Variants in ACSS3 observed in about 807,000 individuals in gnomAD.
ACSS3 encodes the protein acyl-CoA synthetase short chain family member 3.
Under a neutral mutation model 84.2 loss-of-function variants are expected in ACSS3, and 64 were observed. The ratio of observed to expected loss-of-function variants is 0.76; its 90% confidence interval spans 0.62 to 0.94. The LOEUF is 0.94. ACSS3 is among the 40% of genes least tolerant of loss of function. The probability of loss-of-function intolerance (pLI) is 0.00; values close to 1 mark genes in which losing one functional copy is unlikely to be tolerated. For missense variants in ACSS3, 815 were observed against 867.6 expected (o/e 0.94, Z 0.76); for synonymous variants, 317 against 310.1 (o/e 1.02, Z -0.23).
At chr12:81,177,264 T>A (rs1385508969) in intron 8 of ACSS3, among the ~76,000 whole-genome samples, 1 of 152,154 alleles carries the variant, frequency 6.6e-6, no homozygotes, top group East Asian at 1.9e-4. Flanking sequence ...AACAAGGATG[T>A]GCACTGTCAC....
rs368142226 is a variant in ACSS3 at position 81,170,894 on chromosome 12, A to G, written c.1099-3894A>G. On this transcript the variant is annotated intron_variant, in intron 7 of 15. Transcript: ENST00000548058. Reference sequence around the variant, plus strand: ...GTGTGTGCGTGTGCATGAAGGCAGGAGAGAATTTTAAATAAAATAAATAAG... The same window carrying G: ...GTGTGTGCGTGTGCATGAAGGCAGGGGAGAATTTTAAATAAAATAAATAAG... Among the ~76,000 whole-genome samples the G allele has an allele frequency of 6.6e-5, 10 of 152,080 alleles. No individual in the cohort carries two copies. The East Asian group carries it at 1.7e-3, about 26-fold the overall frequency.
At chr12:81,089,438 T>C (rs548224400) in intron 1 of ACSS3, among the ~76,000 whole-genome samples, 1 of 152,140 alleles carries the variant, frequency 6.6e-6, no homozygotes, top group African/African-American at 2.4e-5. Flanking sequence ...CCCTTAGTTC[T>C]AATAATATCC....
chr12:81,118,795 T>C (rs1191954942), intron 2 of ACSS3, among the ~76,000 whole-genome samples: 3 of 152,172 alleles, frequency 2.0e-5, no homozygotes, highest in Non-Finnish European at 4.4e-5. Context: ...TTTATTGATT[T>C]AGGCAGTGGG....
In ACSS3 at chr12:81,257,146, A is replaced by G. The variant is rs2034330407; in HGVS notation, c.*2224A>G. The G allele has an allele frequency of 6.6e-6, 1 of 152,110 alleles. No individual in the cohort carries two copies. Among genetic ancestry groups the G allele is most frequent in the Non-Finnish European group, 1.5e-5 (1 of 68,008 alleles). The allele number at this position is 152,110 out of a possible 1,614,324, so 9.4% of individuals were successfully genotyped here. A position where few individuals can be genotyped will look rare whatever the true frequency, so the allele number is the denominator to read the frequency against. On this transcript the variant is annotated 3_prime_UTR_variant, in exon 16 of 16. Coordinates refer to ENST00000548058, the MANE Select transcript of ACSS3 (RefSeq NM_024560.4). ...GTCCTCTTGCACATTTTTTCTGGTAATCAAATCTGAAGCGACATCTCAGCA... is the reference window on the plus strand; with the variant it reads ...GTCCTCTTGCACATTTTTTCTGGTAGTCAAATCTGAAGCGACATCTCAGCA...
chr12:81,216,085 G>T (rs962224752), intron 9 of ACSS3, among the ~76,000 whole-genome samples: 4 of 151,760 alleles, frequency 2.6e-5, no homozygotes, highest in Non-Finnish European at 5.9e-5. Flanking sequence ...GGCAAGTGTA[G>T]CTCTTAGGAA....
At chr12:81,119,179 G>A (rs1593077919) in intron 2 of ACSS3, among the ~76,000 whole-genome samples, 1 of 152,106 alleles carries the variant, frequency 6.6e-6, no homozygotes, top group Non-Finnish European at 1.5e-5. Flanking sequence ...ATTTCAAAAG[G>A]GGAGGGGGTG....
chr12:81,235,433 C>A (rs886119902), intron 13 of ACSS3, among the ~76,000 whole-genome samples: 7 of 151,232 alleles, frequency 4.6e-5, no homozygotes, highest in Non-Finnish European at 1.0e-4. Context: ...TCCACATCTG[C>A]TCTTCTTTCT....
chr12:81,252,292 A>G (rs1937579056), intron 13 of ACSS3, among the ~76,000 whole-genome samples: 2 of 152,276 alleles, frequency 1.3e-5, no homozygotes, highest in Admixed American at 6.5e-5. Context: ...ATAGATATTC[A>G]TAATTATTTA....
intron 8 of ACSS3, 72 bp from the exon 9 acceptor site, chr12:81,199,269 T>A: frequency 7.3e-7 from 1 of 1,367,668 alleles, no homozygotes. Context: ...TTAACCAATG[T>A]TTTTAAAATG....
chr12:81,140,467 A>T (rs1191506962), intron 4 of ACSS3, among the ~76,000 whole-genome samples: 1 of 152,178 alleles, frequency 6.6e-6, no homozygotes, highest in Non-Finnish European at 1.5e-5. Flanking sequence ...ACTCTTGACA[A>T]GTTTTCTTTG....
At chr12:81,119,213 G>T (rs540620452) in intron 2 of ACSS3, among the ~76,000 whole-genome samples, 1 of 152,192 alleles carries the variant, frequency 6.6e-6, no homozygotes, top group East Asian at 1.9e-4. Context: ...TAGGTCATAA[G>T]ATCACATGCT....
chr12:81,230,704 G>C (rs2033428229), intron 11 of ACSS3, among the ~76,000 whole-genome samples: 1 of 151,692 alleles, frequency 6.6e-6, no homozygotes, highest in African/African-American at 2.4e-5. Flanking sequence ...TTTCAATGGT[G>C]AAATAATAGT....
chr12:81,201,645 G>T (rs2135902748), intron 9 of ACSS3, among the ~76,000 whole-genome samples: 1 of 152,266 alleles, frequency 6.6e-6, no homozygotes, highest in East Asian at 1.9e-4. Flanking sequence ...TCAGTGTGCT[G>T]TCACTGTAAT....
At chr12:81,171,804 C>T (rs1383502678) in intron 7 of ACSS3, among the ~76,000 whole-genome samples, 4 of 152,058 alleles carry the variant, frequency 2.6e-5, no homozygotes, top group Non-Finnish European at 5.9e-5. Flanking sequence ...ACTTTGTGTA[C>T]ATCATAGAGT....
chr12:81,106,140 A>G (rs745389839), intron 1 of ACSS3, among the ~76,000 whole-genome samples: 2 of 152,190 alleles, frequency 1.3e-5, no homozygotes, highest in African/African-American at 2.4e-5. Flanking sequence ...TGGGCCACAC[A>G]GCAGGAGGTG....
rs558896953 is a variant in ACSS3, at chr12:81,246,825, C to G, written c.1720-6482C>G. Among the ~76,000 whole-genome samples the G allele has an allele frequency of 5.8e-4, 88 of 152,100 alleles. 1 individual carries two copies. Among genetic ancestry groups the G allele is most frequent in the Admixed American group, 1.6e-3 (24 of 15,268 alleles). On this transcript the variant is annotated intron_variant, in intron 13 of 15. Coordinates refer to ENST00000548058, the MANE Select transcript of ACSS3 (RefSeq NM_024560.4). ...ATTAAAAGAGGATCAGAAAAAATAG[C>G]TATTGGGTACTAGGCTTAGTACCTG... is the stretch of plus-strand genomic sequence containing the variant.
At chr12:81,204,980 G>A (rs1202394000) in intron 9 of ACSS3, among the ~76,000 whole-genome samples, 1 of 152,140 alleles carries the variant, frequency 6.6e-6, no homozygotes, top group African/African-American at 2.4e-5. Context: ...TGAAATGTTT[G>A]ATCTTACTTT....
chr12:81,137,358 CA>C (rs1565998325), intron 3 of ACSS3, among the ~76,000 whole-genome samples: 49 of 147,870 alleles, frequency 3.3e-4, no homozygotes, highest in Non-Finnish European at 6.3e-4. Context: ...CACACACACA[CA>C]CACACCCCTA....
At chr12:81,085,941 T>C (rs1388655825) in intron 1 of ACSS3, among the ~76,000 whole-genome samples, 4 of 152,136 alleles carry the variant, frequency 2.6e-5, no homozygotes, top group Admixed American at 6.5e-5. Flanking sequence ...AAAAAAAAAG[T>C]ACTTTATCTT....
Sources: gnomAD v4.1 joint callset for allele counts (sites outside exome capture counted in the v4.1 genomes callset) on GRCh38, gnomAD v4.1.1 for gene constraint, MANE v1.5 for transcripts, NCBI Gene and HGNC (gene_info 2026-07-23, HGNC 2026-07-21) for gene names.